Variants in MAML3 observed in about 807,000 individuals in gnomAD.
MAML3 encodes the protein mastermind-like protein 3.
Under a neutral mutation model 101.9 loss-of-function variants are expected in MAML3, and 27 were observed. The ratio of observed to expected loss-of-function variants is 0.27; its 90% CI spans 0.20 to 0.37. The LOEUF (loss-of-function observed/expected upper bound fraction) is 0.37, where lower values mean the gene tolerates loss of function less well. Ranked by LOEUF, MAML3 falls within the 10% of genes least tolerant of loss-of-function variation. The pLI is 1.00. For missense variants in MAML3, 1,316 were observed against 1,444.9 expected (o/e 0.91, Z 1.45); for synonymous variants, 501 against 555.9 (o/e 0.90, Z 1.39).
intron 1 of MAML3, among the ~76,000 whole-genome samples, chr4:140,145,176 G>A (rs975798602): frequency 5.3e-5 from 8 of 152,180 alleles, no homozygotes; most frequent in African/African-American, 1.2e-4. Flanking sequence ...GGGAAGGAGA[G>A]ATACACAGCA....
At chr4:139,783,441 C>T (rs1056741598) in intron 2 of MAML3, among the ~76,000 whole-genome samples, 16 of 152,234 alleles carry the variant, frequency 1.1e-4, no homozygotes, top group Non-Finnish European at 1.5e-5. Context: ...GCAGCAGTGA[C>T]TGCAGTGGCT....
At chr4:139,791,456 T>A (rs1483107670) in intron 2 of MAML3, among the ~76,000 whole-genome samples, 3 of 126,752 alleles carry the variant, frequency 2.4e-5, no homozygotes, top group Admixed American at 1.0e-4. Context: ...TGAGCTGAGA[T>A]CACGCCACTG....
chr4:140,140,815 T>C (rs1472622554), intron 1 of MAML3, among the ~76,000 whole-genome samples: 1 of 152,160 alleles, frequency 6.6e-6, no homozygotes, highest in Non-Finnish European at 1.5e-5. Context: ...GAACATGATA[T>C]GGTGGGACAG....
intron 2 of MAML3, among the ~76,000 whole-genome samples, chr4:139,854,538 C>CAGT (rs1731620556): frequency 6.6e-6 from 1 of 150,740 alleles, no homozygotes; most frequent in South Asian, 2.1e-4. Context: ...TGTTAAGTGA[C>CAGT]AGTATCATCC....
chr4:140,087,212 T>C (rs987947284), intron 1 of MAML3, among the ~76,000 whole-genome samples: 1 of 152,214 alleles, frequency 6.6e-6, no homozygotes, highest in African/African-American at 2.4e-5. Flanking sequence ...ATTGAAATTT[T>C]CTATTTTTTG....
At chr4:139,804,819 G>A (rs1269564690) in intron 2 of MAML3, among the ~76,000 whole-genome samples, 6 of 152,212 alleles carry the variant, frequency 3.9e-5, no homozygotes, top group Non-Finnish European at 7.3e-5. Context: ...GGTCTGAAGT[G>A]TGGCTTTAGA....
chr4:139,889,357 C>A lies in MAML3; in HGVS notation c.2079G>T (p.Gln693His). The A allele has an allele frequency of 6.2e-7, 1 of 1,614,020 alleles. No individual in the cohort carries two copies. Among genetic ancestry groups the A allele is most frequent in the Admixed American group, 1.7e-5 (1 of 60,034 alleles). ...AAGAGTGTGTCACTTTCACACTTAC[C>A]TGACCGTGGGATGGAAGTGCAGCGT... ...MAYAALPSHG[Q>H]EQHPVGLPRT... The change falls in exon 2 of 5, where the codon CAG (glutamine) becomes CAT (histidine). Residue 693 changes from glutamine (Q) to histidine (H), a missense_variant and splice_region_variant. Coordinates refer to ENST00000509479, the MANE Select transcript of MAML3 (RefSeq NM_018717.5).
chr4:140,144,979 C>A (rs1391365511), intron 1 of MAML3, among the ~76,000 whole-genome samples: 1 of 152,162 alleles, frequency 6.6e-6, no homozygotes, highest in Non-Finnish European at 1.5e-5. Context: ...AGAAAAATAA[C>A]CAACCAGAGT....
At chr4:139,959,885 A>G (rs1578617449) in intron 1 of MAML3, among the ~76,000 whole-genome samples, 1 of 152,228 alleles carries the variant, frequency 6.6e-6, no homozygotes, top group East Asian at 1.9e-4. Flanking sequence ...TGACTTTTAG[A>G]TCATTACAGG....
intron 2 of MAML3, among the ~76,000 whole-genome samples, chr4:139,855,349 A>T (rs1731638145): frequency 6.6e-6 from 1 of 152,262 alleles, no homozygotes; most frequent in African/African-American, 2.4e-5. Context: ...ACGTCAGAAT[A>T]AAAAGTTTAT....
chr4:139,809,111 AG>A lies in MAML3; in HGVS notation c.2080-78445del, dbSNP rs1399395015. Among the ~76,000 whole-genome samples the A allele has an allele frequency of 2.6e-5, 4 of 152,312 alleles. No individual in the cohort carries two copies. In the East Asian group the frequency reaches 7.7e-4, roughly 29 times the overall value. On this transcript the variant is annotated intron_variant, in intron 2 of 4. Transcript: ENST00000509479. ...GGGTTCTTATTTCATCTCCAGAAAAAGGAACTCTGCTGGAATGTTATCAGGG... is the reference window on the plus strand; with the variant it reads ...GGGTTCTTATTTCATCTCCAGAAAAAGAACTCTGCTGGAATGTTATCAGGG...
chr4:139,993,333 C>G (rs1471422950), intron 1 of MAML3, among the ~76,000 whole-genome samples: 1 of 129,572 alleles, frequency 7.7e-6, no homozygotes, highest in Admixed American at 8.6e-5. Context: ...GTCTGGGTGA[C>G]AGAGTGAGAC....
At chr4:139,805,731 TA>T (rs917735395) in intron 2 of MAML3, among the ~76,000 whole-genome samples, 1 of 152,198 alleles carries the variant, frequency 6.6e-6, no homozygotes. Context: ...TTTAGGAATT[TA>T]ATAAATTTTT....
chr4:139,974,324 C>T (rs1461787657), intron 1 of MAML3, among the ~76,000 whole-genome samples: 3 of 152,052 alleles, frequency 2.0e-5, no homozygotes, highest in Admixed American at 6.6e-5. Context: ...CCAGGATGGT[C>T]TCGATCTCCT....
intron 1 of MAML3, among the ~76,000 whole-genome samples, chr4:139,895,032 G>C (rs1456641225): frequency 2.6e-5 from 4 of 152,240 alleles, no homozygotes; most frequent in Admixed American, 2.6e-4. Context: ...GCAATGAATG[G>C]AGCAGGACAG....
rs143441551 is a variant in MAML3, at chr4:139,978,175, T to A, written c.469-87208A>T. Among the ~76,000 whole-genome samples, 889 of 152,244 alleles carry A rather than the reference T, an allele frequency of 5.8e-3. 3 individuals carry two copies. Among genetic ancestry groups the A allele is most frequent in the Non-Finnish European group, 0.01 (682 of 68,010 alleles). On this transcript the variant is annotated intron_variant, in intron 1 of 4. Coordinates refer to ENST00000509479, the MANE Select transcript of MAML3 (RefSeq NM_018717.5). Reference sequence around the variant, plus strand: ...TTGACTCGGAAGCAAATGTGAAGAATGGAGCCCAAGAAGGTTACAAAAAAA... The same window carrying A: ...TTGACTCGGAAGCAAATGTGAAGAAAGGAGCCCAAGAAGGTTACAAAAAAA...
Position 139,861,477 on chromosome 4 carries a change from A to ATTGTGTG in MAML3, c.2079+27879_2079+27880insCACACAA, listed in dbSNP as rs1553960820. On this transcript the variant is annotated intron_variant, in intron 2 of 4. Transcript: ENST00000509479. The stretch of plus-strand genomic sequence containing the variant: ...AGATGTATGAATGTCTAACCAGCCG[A>ATTGTGTG]TGTGTGTGTGTGTGTGTGTGTGTGT... Among the ~76,000 whole-genome samples the ATTGTGTG allele has an allele frequency of 1.2e-3, 181 of 146,494 alleles. 1 individual carries two copies. The highest frequency in any genetic ancestry group is 3.8e-3 in the African/African-American group (151 of 39,222).
At chr4:140,006,572 C>T (rs1399786017) in intron 1 of MAML3, among the ~76,000 whole-genome samples, 3 of 117,648 alleles carry the variant, frequency 2.5e-5, no homozygotes, top group South Asian at 2.7e-4. Context: ...GGTGACAGAG[C>T]GAAACTCTGT....
At chr4:139,761,122 C>A (rs189444893) in intron 2 of MAML3, among the ~76,000 whole-genome samples, 20 of 152,180 alleles carry the variant, frequency 1.3e-4, no homozygotes, top group African/African-American at 4.6e-4. Flanking sequence ...CCACACCTGG[C>A]AAATTTTTGT....
Sources: allele counts gnomAD v4.1 joint callset (sites outside exome capture counted in the v4.1 genomes callset), GRCh38; gene constraint gnomAD v4.1.1; transcripts MANE v1.5; gene names NCBI Gene and HGNC (gene_info 2026-07-23, HGNC 2026-07-21).